Variants in MBD2 observed in about 807,000 individuals in gnomAD.
MBD2 encodes the protein methyl-CpG-binding domain protein 2.
In MBD2, 9 loss-of-function variants were observed where a neutral mutation model predicts 39.3. That is an observed-to-expected ratio of 0.23 (90% confidence interval 0.14 to 0.40). The LOEUF is 0.40. Ranked by LOEUF, MBD2 falls within the 10% of genes least tolerant of loss-of-function variation. MBD2 has a pLI of 1.00. For missense variants in MBD2, 458 were observed against 532.6 expected (o/e 0.86, Z 1.38); for synonymous variants, 233 against 211.1 (o/e 1.10, Z -0.90).
At position 54,164,607 on chromosome 18, in the gene MBD2, G is replaced by A. The variant is rs1329077503; in HGVS notation, c.1025C>T (p.Ala342Val). The change falls in exon 5 of 7, where the codon GCT becomes GTT. Residue 342 changes from alanine to valine, a missense_variant. Around this residue, in one of 2 missense-constraint regions of MBD2, gnomAD observed 189 missense variants for 296.6 expected, o/e 0.64. Transcript: ENST00000256429. ...SSAPITGQVS[A>V]AVEKNPAVWL... ...AACAGCAGGGTTCTTTTCCACAGCA[G>A]CGGAGACTTGCCCTGTGATTGGCGC... The A allele has an allele frequency of 6.2e-7, 1 of 1,614,200 alleles. No homozygotes were observed. Among genetic ancestry groups the A allele is most frequent in the East Asian group, 2.2e-5 (1 of 44,886 alleles).
chr18:54,211,887 G>A (rs764150207), intron 1 of MBD2, among the ~76,000 whole-genome samples: 48 of 148,620 alleles, frequency 3.2e-4, no homozygotes, highest in Non-Finnish European at 4.9e-4. Flanking sequence ...ACAGAGTCTC[G>A]CACTGTAGCC....
chr18:54,168,898 C>T (rs1311327614), intron 3 of MBD2, among the ~76,000 whole-genome samples: 2 of 152,022 alleles, frequency 1.3e-5, no homozygotes, highest in African/African-American at 4.8e-5. Flanking sequence ...CTTTTCTGTA[C>T]ATCCATCTTC....
At chr18:54,222,550 C>T (rs532722785) in intron 1 of MBD2, 6 of 260,814 alleles carry the variant, frequency 2.3e-5, no homozygotes, top group South Asian at 2.1e-4. Context: ...TCATTGCAGC[C>T]TCGAACTCCT....
At chr18:54,205,476 A>G (rs1433118455) in intron 1 of MBD2, among the ~76,000 whole-genome samples, 1 of 151,830 alleles carries the variant, frequency 6.6e-6, no homozygotes, top group Non-Finnish European at 1.5e-5. Flanking sequence ...CTGTAATCCC[A>G]GCTATTCAGG....
chr18:54,193,297 A>G (rs1339518066), intron 2 of MBD2, among the ~76,000 whole-genome samples: 1 of 152,224 alleles, frequency 6.6e-6, no homozygotes, highest in African/African-American at 2.4e-5. Flanking sequence ...ATGTATATGC[A>G]ATCTTCTTAT....
chr18:54,196,363 G>A lies in MBD2; in HGVS notation c.703-7352C>T, dbSNP rs780186866. Reference sequence around the variant, plus strand: ...GATTACAATTCATCAATGAAAACACGTTTTGAAGAGTTCTGCTTGAAAAAT... The same window carrying A: ...GATTACAATTCATCAATGAAAACACATTTTGAAGAGTTCTGCTTGAAAAAT... On this transcript the variant is annotated intron_variant, in intron 2 of 6. Coordinates refer to ENST00000256429, the MANE Select transcript of MBD2 (RefSeq NM_003927.5). Among the ~76,000 whole-genome samples the A allele has an allele frequency of 5.7e-4, 87 of 152,242 alleles. No individual in the cohort carries two copies. In the Middle Eastern group the frequency reaches 0.01, roughly 18 times the overall value.
At chr18:54,180,990 G>A (rs1309408669) in intron 3 of MBD2, among the ~76,000 whole-genome samples, 1 of 143,992 alleles carries the variant, frequency 6.9e-6, no homozygotes, top group Non-Finnish European at 1.5e-5. Context: ...ACTGCCTCCT[G>A]GGTTCAAGCA....
intron 3 of MBD2, among the ~76,000 whole-genome samples, chr18:54,186,439 G>A (rs1352507116): frequency 6.6e-6 from 1 of 152,066 alleles, no homozygotes; most frequent in Non-Finnish European, 1.5e-5. Context: ...ATTACAAATA[G>A]CTGATTAGCA....
chr18:54,160,833 A>G (rs1321976529), intron 5 of MBD2, among the ~76,000 whole-genome samples: 1 of 152,034 alleles, frequency 6.6e-6, no homozygotes, highest in African/African-American at 2.4e-5. Context: ...CAGTGGGAAC[A>G]AGAACAGAAG....
chr18:54,163,040 G>A (rs1196257329), intron 5 of MBD2, among the ~76,000 whole-genome samples: 1 of 152,156 alleles, frequency 6.6e-6, no homozygotes, highest in Admixed American at 6.5e-5. Flanking sequence ...TTGGAAGGCT[G>A]AGGCAGGCGG....
chr18:54,165,311 T>G (rs954268891), intron 4 of MBD2, among the ~76,000 whole-genome samples: 4 of 152,224 alleles, frequency 2.6e-5, no homozygotes, highest in Non-Finnish European at 4.4e-5. Context: ...CTGCACACTT[T>G]GATTACTTGT....
At chr18:54,189,044 TTATA>T (rs1186397183) in intron 2 of MBD2, 33 bp from the exon 3 acceptor site, 1 of 1,413,318 alleles carries the variant, frequency 7.1e-7, no homozygotes, top group African/African-American at 1.5e-5. Context: ...ATTTAAAATA[TTATA>T]TATAAACACA....
chr18:54,184,115 C>G (rs1051135450), intron 3 of MBD2, among the ~76,000 whole-genome samples: 6 of 151,954 alleles, frequency 3.9e-5, no homozygotes, highest in Non-Finnish European at 7.4e-5. Context: ...TTTTAAACTA[C>G]TGAATTACTT....
chr18:54,204,137 C>T (rs1010712167), intron 2 of MBD2, among the ~76,000 whole-genome samples: 3 of 152,210 alleles, frequency 2.0e-5, no homozygotes, highest in African/African-American at 7.2e-5. Context: ...GGGGTTACAT[C>T]AGTCACATCT....
At chr18:54,161,327 G>A (rs1256600898) in intron 5 of MBD2, among the ~76,000 whole-genome samples, 2 of 152,206 alleles carry the variant, frequency 1.3e-5, no homozygotes, top group Non-Finnish European at 2.9e-5. Context: ...AGCTGTCACT[G>A]GGTCAGTCTT....
intron 2 of MBD2, among the ~76,000 whole-genome samples, chr18:54,195,704 A>G (rs1309042456): frequency 6.6e-6 from 1 of 152,166 alleles, no homozygotes; most frequent in Non-Finnish European, 1.5e-5. Flanking sequence ...CCATCCATAT[A>G]TAGTCATAAA....
chr18:54,165,845 A>G (rs897220934), intron 4 of MBD2, among the ~76,000 whole-genome samples: 2 of 152,208 alleles, frequency 1.3e-5, no homozygotes, highest in Non-Finnish European at 2.9e-5. Flanking sequence ...TTTACAAAGA[A>G]AAAAATCTAA....
intron 2 of MBD2, among the ~76,000 whole-genome samples, chr18:54,192,285 T>C (rs1246467234): frequency 6.6e-6 from 1 of 152,164 alleles, no homozygotes; most frequent in Non-Finnish European, 1.5e-5. Flanking sequence ...CAGGCTGGAG[T>C]GCAGTGGCGC....
rs1264616582 is a variant in MBD2, at chr18:54,201,556, A to G, written c.702+3442T>C. On this transcript the variant is annotated intron_variant, in intron 2 of 6. Transcript: ENST00000256429. ...CTAAAATAATTAAAAACCACTGTGC[A>G]GAGTTCTTAAAAAGATATCTTTCTG... Among the ~76,000 whole-genome samples, 3 of 152,166 alleles carry G rather than the reference A, an allele frequency of 2.0e-5. No individual in the cohort carries two copies. In the East Asian group the frequency reaches 5.8e-4, roughly 29 times the overall value.
Sources: gnomAD v4.1 joint callset for allele counts (sites outside exome capture counted in the v4.1 genomes callset) on GRCh38, gnomAD v4.1.1 for gene constraint, gnomAD v4.1.1 regional missense constraint, MANE v1.5 for transcripts, NCBI Gene and HGNC (gene_info 2026-07-23, HGNC 2026-07-21) for gene names.